AGO2: variants seen among roughly 807,000 people sequenced by gnomAD.
The protein encoded by AGO2 is protein argonaute-2.
In AGO2, 5 loss-of-function variants were observed where a neutral mutation model predicts 102.3. The observed-to-expected ratio is 0.05, with a 90% confidence interval of 0.03 to 0.10. AGO2 has a LOEUF of 0.10. Ranked by LOEUF, AGO2 falls within the 10% of genes least tolerant of loss-of-function variation. The pLI is 1.00. For synonymous variants in AGO2, 449 were observed against 473.1 expected (o/e 0.95, Z 0.66); for missense variants, 541 against 1,183.7 (o/e 0.46, Z 7.97).
chr8:140,579,115 T>G (rs1246339657), intron 2 of AGO2, among the ~76,000 whole-genome samples: 2 of 151,854 alleles, frequency 1.3e-5, no homozygotes, highest in African/African-American at 4.8e-5. Context: ...CCCAGCTACT[T>G]GGGAGGCTGA....
intron 1 of AGO2, among the ~76,000 whole-genome samples, chr8:140,612,749 C>T (rs959283876): frequency 5.3e-5 from 8 of 151,676 alleles, no homozygotes; most frequent in African/African-American, 1.9e-4. Context: ...CCAAAAAACT[C>T]GGTCTCAAAA....
At chr8:140,625,908 A>G (rs936932651) in intron 1 of AGO2, among the ~76,000 whole-genome samples, 1 of 152,168 alleles carries the variant, frequency 6.6e-6, no homozygotes, top group Non-Finnish European at 1.5e-5. Flanking sequence ...ATCCATCCAC[A>G]CCTAATGTGA....
At chr8:140,641,840 G>T in the AGO2 span, among the ~76,000 whole-genome samples, 19 of 152,170 alleles carry the variant, frequency 1.2e-4, no homozygotes, top group African/African-American at 4.6e-4. Flanking sequence ...AAAGTGCCGG[G>T]CTTACAGGCA....
At chr8:140,613,711 C>G (rs1018377640) in intron 1 of AGO2, among the ~76,000 whole-genome samples, 5 of 152,142 alleles carry the variant, frequency 3.3e-5, no homozygotes, top group Non-Finnish European at 5.9e-5. Context: ...GGTCTGGTTT[C>G]TATCACACTA....
At chr8:140,581,057 G>T (rs949397041) in intron 2 of AGO2, among the ~76,000 whole-genome samples, 4 of 152,256 alleles carry the variant, frequency 2.6e-5, no homozygotes, top group Non-Finnish European at 4.4e-5. Context: ...AGCTGCTTGT[G>T]TACTGTGGTC....
intron 6 of AGO2, among the ~76,000 whole-genome samples, chr8:140,559,110 A>G (rs1465583569): frequency 6.6e-6 from 1 of 152,190 alleles, no homozygotes; most frequent in Non-Finnish European, 1.5e-5. Context: ...GGAAATGCTG[A>G]TCACAGCCAC....
At position 140,523,088 on chromosome 8, in the gene AGO2, A is replaced by G. The variant is rs2072443715; in HGVS notation, c.*8956T>C. On this transcript the variant is annotated 3_prime_UTR_variant, in exon 19 of 19. Coordinates refer to ENST00000220592, the MANE Select transcript of AGO2 (RefSeq NM_012154.5). ...AGAGAGGCCAATGTATATAAATAAGAGTTTATACAGAAACTGCCAATTCAC... is the reference window on the plus strand; with the variant it reads ...AGAGAGGCCAATGTATATAAATAAGGGTTTATACAGAAACTGCCAATTCAC... The G allele has an allele frequency of 6.6e-6, 1 of 152,236 alleles. No individual in the cohort carries two copies. Among genetic ancestry groups the G allele is most frequent in the Non-Finnish European group, 1.5e-5 (1 of 68,052 alleles). 9.4% of individuals were successfully genotyped at this position (152,236 alleles called of 1,614,324 possible).
Position 140,540,374 on chromosome 8 carries a change from T to C in AGO2, c.2034+790A>G, listed in dbSNP as rs751328948. On this transcript the variant is annotated intron_variant, in intron 15 of 18. Coordinates refer to ENST00000220592, the MANE Select transcript of AGO2 (RefSeq NM_012154.5). This position sits in a 1 kb window ranked among gnomAD's most constrained non-coding sequence, Gnocchi z 5.0. ...ACTGGGTGGGGCTCCTCCCCCAACA[T>C]GCCTGGGGCCGCTTTCTTCTGCTTT... Among the ~76,000 whole-genome samples the C allele has an allele frequency of 7.9e-5, 12 of 151,740 alleles. No homozygotes were observed. The highest frequency in any genetic ancestry group is 1.6e-4 in the Non-Finnish European group (11 of 67,946).
At chr8:140,556,348 A>AG in intron 8 of AGO2, 62 bp from the exon 9 acceptor site, 6 of 1,591,044 alleles carry the variant, frequency 3.8e-6, no homozygotes, top group Non-Finnish European at 5.1e-6. Context: ...GGGAGCAGGC[A>AG]GGGGGCTCAG....
At position 140,606,630 on chromosome 8, in the gene AGO2, G is replaced by A. The variant is rs555026005; in HGVS notation, c.23-21319C>T. 5.9e-5 allele frequency among the ~76,000 whole-genome samples: 9 copies of A among 152,304 alleles called. No homozygotes were observed. In the East Asian group the frequency reaches 1.5e-3, roughly 26 times the overall value. ...TATCATCTTGGCAAGGCTTGGAAGC[G>A]TAGCAAATTAAAAATTCTATAATTG... On this transcript the variant is annotated intron_variant, in intron 1 of 18. Transcript: ENST00000220592.
Position 140,589,700 on chromosome 8 carries a change from C to G in AGO2, c.23-4389G>C, listed in dbSNP as rs1475188510. ...GGCTGCTAAACACTTCTGTGCCATA[C>G]CCTGGGCCAAGCCAGGTGCAGATAT... On this transcript the variant is annotated intron_variant, in intron 1 of 18. Transcript: ENST00000220592. The surrounding 1 kb of genome is among the most constrained non-coding windows in gnomAD (Gnocchi z 4.2). 6.6e-6 allele frequency among the ~76,000 whole-genome samples: 1 copy of G among 152,160 alleles called. No homozygotes were observed.
rs2072517381 is a variant in AGO2 at position 140,526,973 on chromosome 8, C to T, written c.*5071G>A. The T allele has an allele frequency of 6.6e-6, 1 of 152,252 alleles. No individual in the cohort carries two copies. Among genetic ancestry groups the T allele is most frequent in the South Asian group, 2.1e-4 (1 of 4,820 alleles). 9.4% of individuals were successfully genotyped at this position (152,252 alleles called of 1,614,324 possible). On this transcript the variant is annotated 3_prime_UTR_variant, in exon 19 of 19. Transcript: ENST00000220592. The surrounding 1 kb of genome is among the most constrained non-coding windows in gnomAD (Gnocchi z 5.2). ...CAGTAACCTCATGGCTTTAAGATGACTCTGACCACAGAGATGCAAGGAGGC... is the reference window on the plus strand; with the variant it reads ...CAGTAACCTCATGGCTTTAAGATGATTCTGACCACAGAGATGCAAGGAGGC...
intron 1 of AGO2, chr8:140,591,994 C>A (rs1465248369): frequency 6.6e-6 from 1 of 152,168 alleles, no homozygotes; most frequent in East Asian, 1.9e-4. Flanking sequence ...GTGGCAGGCA[C>A]CTGCAGTCCC....
At chr8:140,563,516 G>C (rs145899680) in intron 3 of AGO2, among the ~76,000 whole-genome samples, 2 of 152,180 alleles carry the variant, frequency 1.3e-5, no homozygotes, top group African/African-American at 4.8e-5. Flanking sequence ...GAGTACAAGC[G>C]TGAGCCATTG....
chr8:140,568,287 GAAA>G (rs4058201), intron 3 of AGO2, among the ~76,000 whole-genome samples: 89 of 132,076 alleles, frequency 6.7e-4, no homozygotes, highest in African/African-American at 2.6e-3. Flanking sequence ...ATGTCTGGGG[GAAA>G]AAAAAAAAAA....
At chr8:140,568,854 G>T (rs551233556) in intron 3 of AGO2, among the ~76,000 whole-genome samples, 2 of 152,328 alleles carry the variant, frequency 1.3e-5, no homozygotes, top group South Asian at 4.1e-4. Context: ...TGACCAGCTT[G>T]TATTGGGGTG....
chr8:140,551,275 C>G (rs553831994), intron 11 of AGO2, 28 bp downstream of exon 11: 3 of 1,487,060 alleles, frequency 2.0e-6, no homozygotes, highest in Non-Finnish European at 2.7e-6. Context: ...CACCCCCAGG[C>G]CGGAGCCTCT....
chr8:140,563,778 G>A (rs886657412), intron 3 of AGO2, among the ~76,000 whole-genome samples: 1 of 152,206 alleles, frequency 6.6e-6, no homozygotes, highest in Admixed American at 6.5e-5. Flanking sequence ...CAGTGTGCCA[G>A]CATGCCCAGG....
At chr8:140,609,643 C>T (rs2074050256) in intron 1 of AGO2, among the ~76,000 whole-genome samples, 2 of 152,218 alleles carry the variant, frequency 1.3e-5, no homozygotes, top group Admixed American at 6.5e-5. Context: ...CATCCCATCC[C>T]CCCAGTCATA....
Sources: gnomAD v4.1 joint callset for allele counts (sites outside exome capture counted in the v4.1 genomes callset) on GRCh38, gnomAD v4.1.1 for gene constraint, Gnocchi (gnomAD v3.1) non-coding constraint, MANE v1.5 for transcripts, NCBI Gene and HGNC (gene_info 2026-07-23, HGNC 2026-07-21) for gene names.